Variants in GALNT13 observed in about 807,000 individuals in gnomAD.
GALNT13 encodes the protein polypeptide N-acetylgalactosaminyltransferase 13, also known as UDP-GalNAc:polypeptide N-acetylgalactosaminyltransferase 13.
In GALNT13, 28 loss-of-function variants were observed where a neutral mutation model predicts 64.2. The observed-to-expected ratio is 0.44, with a 90% confidence interval of 0.32 to 0.60. The LOEUF (loss-of-function observed/expected upper bound fraction) is 0.60, where lower values mean the gene tolerates loss of function less well. Ranked by LOEUF, GALNT13 falls within the 20% of genes least tolerant of loss-of-function variation. GALNT13 has a pLI of 0.05. For synonymous variants in GALNT13, 214 were observed against 224.6 expected (o/e 0.95, Z 0.42); for missense variants, 577 against 669.8 (o/e 0.86, Z 1.53).
At chr2:153,439,742 G>GA in the GALNT13 span, among the ~76,000 whole-genome samples, 1 of 152,162 alleles carries the variant, frequency 6.6e-6, no homozygotes, top group African/African-American at 2.4e-5. Context: ...CTAGGAAAGT[G>GA]AATTCCCTGA....
At chr2:153,264,163 C>A in the GALNT13 span, among the ~76,000 whole-genome samples, 8 of 152,270 alleles carry the variant, frequency 5.3e-5, no homozygotes, top group East Asian at 1.5e-3. Flanking sequence ...AGAAGACATA[C>A]AAGTGGACAA....
At chr2:153,902,461 A>G (rs1010330761) in intron 2 of GALNT13, among the ~76,000 whole-genome samples, 5 of 152,164 alleles carry the variant, frequency 3.3e-5, no homozygotes, top group African/African-American at 4.8e-5. Context: ...ACTCTCAAGG[A>G]AACTTTGTCA....
chr2:153,838,167 A>G, the GALNT13 span, among the ~76,000 whole-genome samples: 8 of 152,036 alleles, frequency 5.3e-5, no homozygotes, highest in African/African-American at 1.7e-4. Flanking sequence ...TCAGATATAA[A>G]GTTTGCAAAT....
At chr2:153,487,803 A>G in the GALNT13 span, among the ~76,000 whole-genome samples, 2 of 152,238 alleles carry the variant, frequency 1.3e-5, no homozygotes, top group South Asian at 4.1e-4. Context: ...ATTGACTATT[A>G]CAAGTTTGGG....
At chr2:153,838,605 A>G in the GALNT13 span, among the ~76,000 whole-genome samples, 3 of 151,794 alleles carry the variant, frequency 2.0e-5, no homozygotes. Flanking sequence ...TGAGCTCTCA[A>G]TTCTACTCTA....
chr2:153,680,482 A>C, the GALNT13 span, among the ~76,000 whole-genome samples: 4 of 151,932 alleles, frequency 2.6e-5, no homozygotes, highest in South Asian at 2.1e-4. Context: ...AAAGAGAATA[A>C]AAATAAACTC....
the GALNT13 span, among the ~76,000 whole-genome samples, chr2:153,816,111 T>C: frequency 1.8e-4 from 28 of 152,332 alleles, no homozygotes; most frequent in Middle Eastern, 6.8e-3. Context: ...AAGAAATATG[T>C]ACTGTGATTG....
chr2:153,251,872 A>G, the GALNT13 span, among the ~76,000 whole-genome samples: 15 of 151,492 alleles, frequency 9.9e-5, no homozygotes, highest in Non-Finnish European at 1.6e-4. Flanking sequence ...GTCTATCATT[A>G]TTGGACATTT....
At chr2:153,628,659 C>T in the GALNT13 span, among the ~76,000 whole-genome samples, 7 of 151,996 alleles carry the variant, frequency 4.6e-5, no homozygotes, top group African/African-American at 7.2e-5. Context: ...TATTGATTTG[C>T]GTATATTGAA....
the GALNT13 span, among the ~76,000 whole-genome samples, chr2:153,503,300 T>C: frequency 6.6e-6 from 1 of 152,222 alleles, no homozygotes. Flanking sequence ...CTGCAGTGGA[T>C]TGCCAATTAT....
the GALNT13 span, among the ~76,000 whole-genome samples, chr2:153,628,894 T>C: frequency 1.8e-3 from 280 of 152,294 alleles, no homozygotes; most frequent in African/African-American, 6.5e-3. Flanking sequence ...TCTTTTTCTA[T>C]TGAATGGAAT....
chr2:153,457,128 A>T, the GALNT13 span, among the ~76,000 whole-genome samples: 1 of 152,100 alleles, frequency 6.6e-6, no homozygotes, highest in Admixed American at 6.5e-5. Flanking sequence ...TTTCCTTGGC[A>T]CCCATTGGTC....
At chr2:153,353,403 C>T in the GALNT13 span, among the ~76,000 whole-genome samples, 5 of 152,070 alleles carry the variant, frequency 3.3e-5, no homozygotes, top group African/African-American at 1.2e-4. Flanking sequence ...TGAACAAACA[C>T]AATTTAATTT....
chr2:153,896,192 T>G (rs1327880615), intron 1 of GALNT13, among the ~76,000 whole-genome samples: 2 of 149,426 alleles, frequency 1.3e-5, no homozygotes, highest in East Asian at 4.0e-4. Context: ...GATAACCTTT[T>G]GTCTTTTTTC....
At chr2:154,206,354 TAG>T (rs74443497) in intron 4 of GALNT13, among the ~76,000 whole-genome samples, 1 of 151,892 alleles carries the variant, frequency 6.6e-6, no homozygotes. Context: ...CATATATATA[TAG>T]AGAGAGAGAT....
chr2:154,135,076 A>C (rs1017484578), intron 3 of GALNT13, among the ~76,000 whole-genome samples: 1 of 152,178 alleles, frequency 6.6e-6, no homozygotes, highest in Non-Finnish European at 1.5e-5. Flanking sequence ...TTTTAAATAC[A>C]TATGTATGTT....
At chr2:153,269,750 C>T in the GALNT13 span, among the ~76,000 whole-genome samples, 1 of 152,104 alleles carries the variant, frequency 6.6e-6, no homozygotes, top group Non-Finnish European at 1.5e-5. Flanking sequence ...CTTCATGGCT[C>T]AGGGGGCCTG....
the GALNT13 span, among the ~76,000 whole-genome samples, chr2:153,082,571 GTTTA>G: frequency 4.0e-5 from 2 of 50,170 alleles, no homozygotes; most frequent in African/African-American, 1.8e-4. Flanking sequence ...ATTTAGGCTG[GTTTA>G]TATATATATA....
At chr2:153,168,252 C>G in the GALNT13 span, among the ~76,000 whole-genome samples, 1 of 152,108 alleles carries the variant, frequency 6.6e-6, no homozygotes, top group Non-Finnish European at 1.5e-5. Flanking sequence ...TTTCTAAATT[C>G]CTTTGGAAAT....
Sources: gnomAD v4.1 joint callset for allele counts (sites outside exome capture counted in the v4.1 genomes callset) on GRCh38, gnomAD v4.1.1 for gene constraint, MANE v1.5 for transcripts, NCBI Gene and HGNC (gene_info 2026-07-23, HGNC 2026-07-21) for gene names.